The following ITGA9 variants were observed in gnomAD, a reference collection of about 807,000 sequenced individuals.
ITGA9 encodes integrin subunit alpha 9, also known as integrin alpha-9.
In ITGA9, 56 loss-of-function variants were observed where a neutral mutation model predicts 127.8. The observed-to-expected ratio is 0.44, with a 90% CI of 0.35 to 0.55. The LOEUF (loss-of-function observed/expected upper bound fraction) is 0.55, where lower values mean the gene tolerates loss of function less well. Among genes scored for constraint, ITGA9 ranks in the 20% least tolerant of loss-of-function variants. The pLI, the probability that ITGA9 is intolerant of heterozygous loss-of-function variation, is 0.00. For missense variants in ITGA9, 1,196 were observed against 1,347.1 expected (o/e 0.89, Z 1.76); for synonymous variants, 508 against 514.5 (o/e 0.99, Z 0.17).
chr3:37,491,868 A>G (rs1698677157), intron 4 of ITGA9, among the ~76,000 whole-genome samples: 1 of 152,222 alleles, frequency 6.6e-6, no homozygotes. Context: ...TGCCCTCTTG[A>G]CATATATATG....
chr3:37,605,409 A>G (rs1699958851), intron 15 of ITGA9, among the ~76,000 whole-genome samples: 1 of 152,090 alleles, frequency 6.6e-6, no homozygotes, highest in Non-Finnish European at 1.5e-5. Flanking sequence ...TCTTGTTTGG[A>G]GAATGGACAG....
chr3:37,641,786 G>A (rs543203584), intron 16 of ITGA9, among the ~76,000 whole-genome samples: 1 of 152,176 alleles, frequency 6.6e-6, no homozygotes, highest in African/African-American at 2.4e-5. Context: ...CCAGGCCTCT[G>A]CCTGCCTCAG....
intron 15 of ITGA9, among the ~76,000 whole-genome samples, chr3:37,584,086 A>G (rs1489656856): frequency 6.6e-6 from 1 of 152,216 alleles, no homozygotes; most frequent in African/African-American, 2.4e-5. Context: ...AAACTGCCCC[A>G]CAACTCCATG....
intron 15 of ITGA9, among the ~76,000 whole-genome samples, chr3:37,572,913 T>C (rs1378584155): frequency 6.6e-6 from 1 of 152,240 alleles, no homozygotes; most frequent in Non-Finnish European, 1.5e-5. Context: ...AAATCATGTC[T>C]GTAAAATGAA....
At chr3:37,642,369 C>T (rs1029280370) in intron 16 of ITGA9, among the ~76,000 whole-genome samples, 2 of 152,204 alleles carry the variant, frequency 1.3e-5, no homozygotes, top group African/African-American at 4.8e-5. Context: ...ATCTTATTTG[C>T]TATTGATCCG....
intron 3 of ITGA9, among the ~76,000 whole-genome samples, chr3:37,480,292 T>A (rs886907603): frequency 6.6e-6 from 1 of 152,170 alleles, no homozygotes; most frequent in African/African-American, 2.4e-5. Context: ...CTCCAGTGTC[T>A]GTTAGCAGAG....
Position 37,653,732 on chromosome 3 carries a change from TG to T in ITGA9, c.1859del (p.Cys620SerfsTer28). On this transcript the variant is annotated frameshift_variant, in exon 17 of 28. Coordinates refer to ENST00000264741, the MANE Select transcript of ITGA9 (RefSeq NM_002207.3). LOFTEE classifies it high-confidence loss of function. Reference protein sequence around the residue: ...QKNQTVFERNCRSEDCAADLQ... With the variant: ...QKNQTVFERNXRSEDCAADLQ... The stretch of plus-strand genomic sequence containing the variant: ...CTCACAGACTGTTTTTGAAAGGAAT[TG>T]CCGTTCAGAGGACTGTGCCGCAGAC... 1 of 1,613,816 alleles carries T rather than the reference TG, an allele frequency of 6.2e-7. No individual in the cohort carries two copies. The highest frequency in any genetic ancestry group is 1.1e-5 in the South Asian group (1 of 91,086).
chr3:37,777,854 G>A (rs1288185938), intron 24 of ITGA9, among the ~76,000 whole-genome samples: 1 of 152,222 alleles, frequency 6.6e-6, no homozygotes, highest in Non-Finnish European at 1.5e-5. Context: ...AACAAAACGT[G>A]TGTATCCTAT....
At chr3:37,722,954 T>G (rs761098273) in intron 18 of ITGA9, among the ~76,000 whole-genome samples, 5 of 152,238 alleles carry the variant, frequency 3.3e-5, no homozygotes, top group Non-Finnish European at 7.3e-5. Context: ...ATGGTTCCAG[T>G]TTGTCCACAT....
intron 17 of ITGA9, among the ~76,000 whole-genome samples, chr3:37,670,844 G>A (rs967078089): frequency 1.1e-4 from 16 of 152,136 alleles, no homozygotes; most frequent in African/African-American, 3.6e-4. Flanking sequence ...ACTATTTATG[G>A]CCGTATTTGG....
intron 25 of ITGA9, among the ~76,000 whole-genome samples, chr3:37,780,712 G>A (rs1318389411): frequency 6.6e-6 from 1 of 152,152 alleles, no homozygotes; most frequent in Non-Finnish European, 1.5e-5. Context: ...TTGCTGGATG[G>A]AATGGCAGTT....
At chr3:37,567,154 C>T (rs1366601456) in intron 15 of ITGA9, among the ~76,000 whole-genome samples, 1 of 152,218 alleles carries the variant, frequency 6.6e-6, no homozygotes, top group African/African-American at 2.4e-5. Context: ...TTCCACATGA[C>T]TGGGGAAGCC....
intron 18 of ITGA9, among the ~76,000 whole-genome samples, chr3:37,713,872 T>C (rs1892801): frequency 6.6e-6 from 1 of 152,224 alleles, no homozygotes; most frequent in South Asian, 2.1e-4. Flanking sequence ...CCAATCTTTT[T>C]ATTTCTGGTT....
rs1559607203 is a variant in ITGA9 at position 37,816,089 on chromosome 3, G to T, written c.3010-2802G>T. ...AAGCTAGTCTCAGTGGAGAATCAAG[G>T]CTGGGAAAATAGACTCCACCTCACG... On this transcript the variant is annotated intron_variant, in intron 27 of 27. Coordinates refer to ENST00000264741, the MANE Select transcript of ITGA9 (RefSeq NM_002207.3). Among the ~76,000 whole-genome samples the T allele has an allele frequency of 2.0e-5, 3 of 152,180 alleles. No individual in the cohort carries two copies. The South Asian group carries it at 6.2e-4, about 32-fold the overall frequency.
At chr3:37,590,043 C>T (rs1699799795) in intron 15 of ITGA9, among the ~76,000 whole-genome samples, 1 of 152,218 alleles carries the variant, frequency 6.6e-6, no homozygotes, top group African/African-American at 2.4e-5. Flanking sequence ...GAGGTGTGCC[C>T]TGGGTCCACT....
At chr3:37,454,056 C>T (rs904667339) in intron 1 of ITGA9, among the ~76,000 whole-genome samples, 6 of 152,192 alleles carry the variant, frequency 3.9e-5, no homozygotes, top group Non-Finnish European at 8.8e-5. Flanking sequence ...CCCAGATCCC[C>T]ACACTAGGCA....
chr3:37,537,923 G>T (rs948582124), intron 14 of ITGA9, among the ~76,000 whole-genome samples: 9 of 152,216 alleles, frequency 5.9e-5, no homozygotes, highest in Non-Finnish European at 1.0e-4. Flanking sequence ...ACAGCCTGTG[G>T]CCCCTTGGAG....
intron 17 of ITGA9, among the ~76,000 whole-genome samples, chr3:37,665,605 C>T (rs1700579017): frequency 6.6e-6 from 1 of 152,036 alleles, no homozygotes; most frequent in South Asian, 2.1e-4. Flanking sequence ...AGGCGCCCAC[C>T]ACCATGCCCA....
At chr3:37,812,170 A>T (rs543728701) in intron 27 of ITGA9, among the ~76,000 whole-genome samples, 1 of 152,204 alleles carries the variant, frequency 6.6e-6, no homozygotes, top group African/African-American at 2.4e-5. Flanking sequence ...CCATGTGCCA[A>T]TGACATTCAG....
Sources: gnomAD v4.1 joint callset for allele counts (sites outside exome capture counted in the v4.1 genomes callset) on GRCh38, gnomAD v4.1.1 for gene constraint, MANE v1.5 for transcripts, NCBI Gene and HGNC (gene_info 2026-07-23, HGNC 2026-07-21) for gene names.